The following AKAP9 variants were observed in gnomAD, a reference collection of about 807,000 sequenced individuals.
AKAP9 encodes the protein A-kinase anchor protein 9.
A neutral mutation model predicts 488.5 loss-of-function variants in AKAP9; 311 were observed. The ratio of observed to expected loss-of-function variants is 0.64; its 90% CI spans 0.58 to 0.70. The LOEUF (loss-of-function observed/expected upper bound fraction) is 0.70, where lower values mean the gene tolerates loss of function less well. Among genes scored for constraint, AKAP9 ranks in the 30% least tolerant of loss-of-function variants. AKAP9 has a pLI of 0.00. For missense variants in AKAP9, 4,215 were observed against 4,374.5 expected (o/e 0.96, Z 1.03); for synonymous variants, 1,462 against 1,483.5 (o/e 0.99, Z 0.33).
intron 39 of AKAP9, among the ~76,000 whole-genome samples, chr7:92,093,619 G>A (rs754814371): frequency 6.6e-6 from 1 of 152,100 alleles, no homozygotes; most frequent in Non-Finnish European, 1.5e-5. Context: ...GAACGCAGTA[G>A]AATTCATGAT....
chr7:92,071,101 G>T (rs1811658822), intron 28 of AKAP9, 92 bp downstream of exon 28: 12 of 1,235,622 alleles, frequency 9.7e-6, no homozygotes, highest in Non-Finnish European at 1.4e-5. Flanking sequence ...TGTAGTTTAT[G>T]ATCTAAAACC....
chr7:91,990,485 T>C (rs1045151986), intron 3 of AKAP9, among the ~76,000 whole-genome samples: 1 of 152,116 alleles, frequency 6.6e-6, no homozygotes, highest in African/African-American at 2.4e-5. Context: ...GATTTATTAA[T>C]ATTGATAAGT....
intron 2 of AKAP9, among the ~76,000 whole-genome samples, chr7:91,977,352 C>G (rs1006696580): frequency 1.1e-4 from 16 of 152,070 alleles, no homozygotes; most frequent in Non-Finnish European, 1.8e-4. Flanking sequence ...GTCAGGAGAT[C>G]GAGACCATCC....
In AKAP9 at chr7:91,944,814, G is replaced by A. The variant is rs539636659; in HGVS notation, c.48+3667G>A. ...GAATAACTAGGTTTCCTATTTTAGC[G>A]TAGGCCTGGAATTGTAATTGCTATT... is the stretch of plus-strand genomic sequence containing the variant. On this transcript the variant is annotated intron_variant, in intron 1 of 49. Transcript: ENST00000356239. Among the ~76,000 whole-genome samples, 195 of 152,314 alleles carry A rather than the reference G, an allele frequency of 1.3e-3. 1 individual carries two copies. The highest frequency in any genetic ancestry group is 4.5e-3 in the African/African-American group (185 of 41,562).
At chr7:92,084,401 T>C (rs1455961288) in intron 33 of AKAP9, among the ~76,000 whole-genome samples, 2 of 152,148 alleles carry the variant, frequency 1.3e-5, no homozygotes, top group Non-Finnish European at 2.9e-5. Flanking sequence ...AAATAATATA[T>C]GATGTTCCTG....
chr7:92,066,696 G>T, intron 26 of AKAP9, 150 bp downstream of exon 26: 1 of 982,036 alleles, frequency 1.0e-6, no homozygotes, highest in Non-Finnish European at 1.5e-6. Context: ...GCATGAGAAG[G>T]TAATTAACCC....
intron 46 of AKAP9, among the ~76,000 whole-genome samples, chr7:92,103,186 C>A (rs189987439): frequency 2.5e-4 from 38 of 150,496 alleles, no homozygotes; most frequent in African/African-American, 8.5e-4. Flanking sequence ...GTCAGGAGAT[C>A]GAGACCAGCC....
intron 7 of AKAP9, among the ~76,000 whole-genome samples, chr7:92,000,114 T>C (rs542822778): frequency 2.6e-5 from 4 of 152,382 alleles, no homozygotes; most frequent in Non-Finnish European, 5.9e-5. Context: ...CCTTGGCCTG[T>C]GTCTGGGCGT....
intron 46 of AKAP9, among the ~76,000 whole-genome samples, chr7:92,104,197 T>TA (rs67522333): frequency 1.4e-5 from 2 of 145,708 alleles, no homozygotes; most frequent in African/African-American, 5.1e-5. Context: ...TTTATTTTTT[T>TA]TTTTTTTTTT....
chr7:92,061,744 G>A (rs982414330), intron 23 of AKAP9, among the ~76,000 whole-genome samples: 2 of 151,180 alleles, frequency 1.3e-5, no homozygotes, highest in Non-Finnish European at 2.9e-5. Flanking sequence ...TTAAAGATGA[G>A]CAAACTGAAG....
chr7:91,980,837 A>G lies in AKAP9; in HGVS notation c.351+504A>G, dbSNP rs528451560. Among the ~76,000 whole-genome samples, 24 of 152,202 alleles carry G rather than the reference A, an allele frequency of 1.6e-4. No individual in the cohort carries two copies. The South Asian group carries it at 4.4e-3, about 28-fold the overall frequency. On this transcript the variant is annotated intron_variant, in intron 3 of 49. Transcript: ENST00000356239. Reference sequence around the variant, plus strand: ...ACCCTCTTTGTGTGTTGGTAAAAGTATATGTCATTTTGTTATCTTTTTCTT... The same window carrying G: ...ACCCTCTTTGTGTGTTGGTAAAAGTGTATGTCATTTTGTTATCTTTTTCTT...
chr7:91,974,086 A>G, intron 2 of AKAP9, 118 bp downstream of exon 2: 1 of 1,233,290 alleles, frequency 8.1e-7, no homozygotes, highest in Non-Finnish European at 1.2e-6. Context: ...TGAAAGTTTT[A>G]GTAGTATGGT....
chr7:91,967,306 A>AT (rs1584618258), intron 1 of AKAP9, among the ~76,000 whole-genome samples: 1 of 151,800 alleles, frequency 6.6e-6, no homozygotes, highest in East Asian at 1.9e-4. Flanking sequence ...GTTATCTTTT[A>AT]TTTTTTTCTC....
At chr7:92,096,475 C>T (rs1379257217) in intron 40 of AKAP9, among the ~76,000 whole-genome samples, 1 of 151,976 alleles carries the variant, frequency 6.6e-6, no homozygotes. Context: ...GCTGGGACTA[C>T]AGGCACGTGC....
chr7:91,959,059 A>AT (rs1434076881), intron 1 of AKAP9, among the ~76,000 whole-genome samples: 1 of 151,684 alleles, frequency 6.6e-6, no homozygotes, highest in Non-Finnish European at 1.5e-5. Flanking sequence ...AAATTTTTGT[A>AT]TTTTTTGTAG....
rs543921973 is a variant in AKAP9, at chr7:91,986,014, T to C, written c.351+5681T>C. 2.6e-3 allele frequency among the ~76,000 whole-genome samples: 391 copies of C among 152,320 alleles called. 2 individuals are homozygous for C. The highest frequency in any genetic ancestry group is 8.9e-3 in the African/African-American group (369 of 41,574). Reference sequence around the variant, plus strand: ...TGATACCAGCTCCTCTTTGTACCTCTGGTAGAATTTGGCTTTGAATCTGTC... The same window carrying C: ...TGATACCAGCTCCTCTTTGTACCTCCGGTAGAATTTGGCTTTGAATCTGTC... On this transcript the variant is annotated intron_variant, in intron 3 of 49. Transcript: ENST00000356239.
chr7:92,105,575 A>G (rs896702428), intron 46 of AKAP9, 103 bp from the exon 47 acceptor site: 5 of 865,116 alleles, frequency 5.8e-6, no homozygotes, highest in Non-Finnish European at 9.8e-6. Flanking sequence ...GAAATTTGAC[A>G]TTTGTTCTAT....
rs185015331 is a variant in AKAP9 at position 91,956,912 on chromosome 7, G to A, written c.48+15765G>A. Among the ~76,000 whole-genome samples, 353 of 152,252 alleles carry A rather than the reference G, an allele frequency of 2.3e-3. 4 individuals carry two copies. Among genetic ancestry groups the A allele is most frequent in the African/African-American group, 8.2e-3 (342 of 41,556 alleles). On this transcript the variant is annotated intron_variant, in intron 1 of 49. Coordinates refer to ENST00000356239, the MANE Select transcript of AKAP9 (RefSeq NM_005751.5). ...ATTTTGATGCTTTTTGTGGATAAAA[G>A]TAGTGCCTCTCTTTATACAACTGAT...
intron 1 of AKAP9, among the ~76,000 whole-genome samples, chr7:91,969,585 T>C (rs1279052839): frequency 6.6e-6 from 1 of 152,218 alleles, no homozygotes; most frequent in Non-Finnish European, 1.5e-5. Context: ...TACTTGGGGC[T>C]CTGGTGCTGG....
Sources: allele counts gnomAD v4.1 joint callset (sites outside exome capture counted in the v4.1 genomes callset), GRCh38; gene constraint gnomAD v4.1.1; transcripts MANE v1.5; gene names NCBI Gene and HGNC (gene_info 2026-07-23, HGNC 2026-07-21).